FBXO10: variants seen among roughly 807,000 people sequenced by gnomAD.
The protein encoded by FBXO10 is F-box only protein 10.
FBXO10 carries 39 observed loss-of-function variants against 80.7 expected under a neutral mutation model. That is an observed-to-expected ratio of 0.48 (90% CI 0.37 to 0.63). The LOEUF (loss-of-function observed/expected upper bound fraction) is 0.63, where lower values mean the gene tolerates loss of function less well. Ranked by LOEUF, FBXO10 falls within the 30% of genes least tolerant of loss-of-function variation. The probability of loss-of-function intolerance (pLI) is 0.00; values close to 1 mark genes in which losing one functional copy is unlikely to be tolerated. For synonymous variants in FBXO10, 449 were observed against 489.6 expected (o/e 0.92, Z 1.09); for missense variants, 1,025 against 1,269.0 (o/e 0.81, Z 2.92).
At chr9:37,567,622 T>C (rs990993228) in intron 1 of FBXO10, among the ~76,000 whole-genome samples, 1 of 152,152 alleles carries the variant, frequency 6.6e-6, no homozygotes, top group Non-Finnish European at 1.5e-5. Flanking sequence ...GGCTAGAAGT[T>C]CCTATATCAT....
intron 5 of FBXO10, among the ~76,000 whole-genome samples, chr9:37,525,438 G>A (rs1291920413): frequency 6.6e-6 from 1 of 152,130 alleles, no homozygotes; most frequent in Non-Finnish European, 1.5e-5. Context: ...ATGTTTAGTT[G>A]TCACTGGGAC....
chr9:37,547,162 C>T (rs954887691), intron 1 of FBXO10, among the ~76,000 whole-genome samples: 5 of 152,312 alleles, frequency 3.3e-5, no homozygotes, highest in Non-Finnish European at 7.3e-5. Context: ...AACAAACAAA[C>T]TGGAAACAAC....
chr9:37,553,530 A>G (rs1476580893), intron 1 of FBXO10, among the ~76,000 whole-genome samples: 1 of 152,190 alleles, frequency 6.6e-6, no homozygotes, highest in Non-Finnish European at 1.5e-5. Flanking sequence ...GCTAGATAGC[A>G]TAACAGCTTC....
intron 8 of FBXO10, among the ~76,000 whole-genome samples, chr9:37,519,019 T>C (rs189541549): frequency 4.6e-4 from 70 of 152,192 alleles, no homozygotes; most frequent in East Asian, 1.7e-3. Context: ...ACACCATTCT[T>C]CTGCCTCAGC....
chr9:37,573,856 C>T (rs538200157), intron 1 of FBXO10, among the ~76,000 whole-genome samples: 25 of 144,414 alleles, frequency 1.7e-4, no homozygotes, highest in Middle Eastern at 3.5e-3. Flanking sequence ...ACATTTTAGA[C>T]GAGTGGGAAA....
At chr9:37,574,361 G>C (rs889780565) in intron 1 of FBXO10, among the ~76,000 whole-genome samples, 2 of 152,222 alleles carry the variant, frequency 1.3e-5, no homozygotes. Context: ...TGGTGACCTG[G>C]TGACTGCTTG....
At chr9:37,574,839 C>T (rs1822852037) in intron 1 of FBXO10, among the ~76,000 whole-genome samples, 1 of 152,130 alleles carries the variant, frequency 6.6e-6, no homozygotes, top group African/African-American at 2.4e-5. Flanking sequence ...GGACAGGGAC[C>T]ATGTGTGTCT....
intron 3 of FBXO10, 26 bp downstream of exon 3, chr9:37,537,083 CT>C (rs1821785494): frequency 6.4e-7 from 1 of 1,557,430 alleles, no homozygotes; most frequent in Non-Finnish European, 8.8e-7. Context: ...CAGGAGCCCC[CT>C]GACCAATCTA....
chr9:37,526,321 A>G (rs886784547), intron 5 of FBXO10, among the ~76,000 whole-genome samples: 29 of 152,224 alleles, frequency 1.9e-4, no homozygotes, highest in Non-Finnish European at 3.4e-4. Context: ...CATCCAGGCC[A>G]TTACAGGGAT....
At chr9:37,567,181 C>T (rs1414917602) in intron 1 of FBXO10, among the ~76,000 whole-genome samples, 2 of 143,760 alleles carry the variant, frequency 1.4e-5, no homozygotes, top group African/African-American at 2.6e-5. Flanking sequence ...CTTGCTTTGT[C>T]ACCCAGATTG....
intron 1 of FBXO10, among the ~76,000 whole-genome samples, chr9:37,556,700 C>T (rs1256819241): frequency 1.2e-4 from 18 of 152,034 alleles, no homozygotes; most frequent in Admixed American, 7.2e-4. Context: ...TGTGCCGCCA[C>T]GCCCGGCTAA....
chr9:37,553,725 G>C (rs1158984010), intron 1 of FBXO10, among the ~76,000 whole-genome samples: 1 of 145,042 alleles, frequency 6.9e-6, no homozygotes, highest in Non-Finnish European at 1.5e-5. Flanking sequence ...GACCAACATG[G>C]AGAAACCCCG....
chr9:37,572,265 CA>C (rs1822778897), intron 1 of FBXO10, among the ~76,000 whole-genome samples: 1 of 152,060 alleles, frequency 6.6e-6, no homozygotes, highest in Non-Finnish European at 1.5e-5. Flanking sequence ...GGATATGAAG[CA>C]ACTGGAACTC....
chr9:37,544,886 C>A (rs1031951519), intron 1 of FBXO10, among the ~76,000 whole-genome samples: 1 of 147,862 alleles, frequency 6.8e-6, no homozygotes, highest in African/African-American at 2.5e-5. Context: ...CCCAGCTACT[C>A]GGGAGGCTGA....
intron 2 of FBXO10, among the ~76,000 whole-genome samples, chr9:37,540,196 T>C (rs75287189): frequency 0.066 from 9,997 of 152,100 alleles, 421 homozygotes; most frequent in South Asian, 0.12. Flanking sequence ...TATATGATTT[T>C]TTTTTTTTGA....
chr9:37,544,970 G>A (rs1002623229), intron 1 of FBXO10, among the ~76,000 whole-genome samples: 1 of 140,696 alleles, frequency 7.1e-6, no homozygotes, highest in Admixed American at 7.1e-5. Context: ...CTCCAGCCTG[G>A]GCGACAGAGC....
intron 10 of FBXO10, among the ~76,000 whole-genome samples, chr9:37,513,886 G>A (rs1256320996): frequency 2.6e-5 from 4 of 152,064 alleles, no homozygotes; most frequent in East Asian, 1.9e-4. Context: ...CACCGCACCC[G>A]GCCACGATTT....
At chr9:37,564,022 C>T (rs116909089) in intron 1 of FBXO10, among the ~76,000 whole-genome samples, 2,722 of 152,344 alleles carry the variant, frequency 0.018, 52 homozygotes, top group Non-Finnish European at 0.025. Flanking sequence ...AAAAATGGTT[C>T]CATGGGCCTG....
At chr9:37,539,987 G>A (rs905779720) in intron 2 of FBXO10, among the ~76,000 whole-genome samples, 1 of 152,076 alleles carries the variant, frequency 6.6e-6, no homozygotes. Context: ...ACTTAATCTT[G>A]CTGAGCCTCA....
Sources: gnomAD v4.1 joint callset for allele counts (sites outside exome capture counted in the v4.1 genomes callset) on GRCh38, gnomAD v4.1.1 for gene constraint, MANE v1.5 for transcripts, NCBI Gene and HGNC (gene_info 2026-07-23, HGNC 2026-07-21) for gene names.